The following NAA35 variants were observed in gnomAD, a reference collection of about 807,000 sequenced individuals.
NAA35 encodes the protein MAK10 homolog, amino-acid N-acetyltransferase subunit.
In NAA35, 18 loss-of-function variants were observed where a neutral mutation model predicts 101.7. The ratio of observed to expected loss-of-function variants is 0.18; its 90% CI spans 0.12 to 0.26. NAA35 has a LOEUF of 0.26. Among genes scored for constraint, NAA35 ranks in the 10% least tolerant of loss-of-function variants. The pLI is 1.00. For missense variants in NAA35, 601 were observed against 886.8 expected (o/e 0.68, Z 4.09); for synonymous variants, 267 against 273.1 (o/e 0.98, Z 0.22).
At position 85,942,432 on chromosome 9, in the gene NAA35, T is replaced by C. The variant is rs1828565339; in HGVS notation, c.124+149T>C. 6 of 1,100,734 alleles carry C rather than the reference T, an allele frequency of 5.5e-6. No homozygotes were observed. The Admixed American group carries it at 1.4e-4, about 26-fold the overall frequency. 68.2% of individuals were successfully genotyped at this position (1,100,734 alleles called of 1,614,324 possible). ...ACACTTATTCTGTATCCTCTAATTTTAACTTTAAAGCAAATGTATATTTGA... is the reference window on the plus strand; with the variant it reads ...ACACTTATTCTGTATCCTCTAATTTCAACTTTAAAGCAAATGTATATTTGA... On this transcript the variant is annotated intron_variant, in intron 2 of 22. Coordinates refer to ENST00000361671, the MANE Select transcript of NAA35 (RefSeq NM_024635.4).
At position 85,941,175 on chromosome 9, in the gene NAA35, C is replaced by T. The variant is rs1828493149; in HGVS notation, c.-104C>T. 2.0e-6 allele frequency: 2 copies of T among 986,216 alleles called. No homozygotes were observed. The highest frequency in any genetic ancestry group is 1.7e-5 in the African/African-American group (1 of 57,240). 61.1% of individuals were successfully genotyped at this position (986,216 alleles called of 1,614,324 possible). On this transcript the variant is annotated 5_prime_UTR_variant, in exon 1 of 23. Coordinates refer to ENST00000361671, the MANE Select transcript of NAA35 (RefSeq NM_024635.4). ...GCATGCGTGCACGCTGCCGGTCGGG[C>T]TGGGCTGAGAGGGGAGGGGGCGGCG...
intron 13 of NAA35, 76 bp from the exon 14 acceptor site, chr9:86,007,282 T>A: frequency 9.5e-7 from 1 of 1,054,050 alleles, no homozygotes; most frequent in South Asian, 1.5e-5. Context: ...TCTGTGGCAT[T>A]TATAAGTATA....
At chr9:85,988,805 A>T (rs1411652945) in intron 11 of NAA35, among the ~76,000 whole-genome samples, 1 of 152,150 alleles carries the variant, frequency 6.6e-6, no homozygotes, top group African/African-American at 2.4e-5. Flanking sequence ...TCGAAAAAAA[A>T]AAAAGGACAT....
At chr9:85,987,999 C>T (rs889446317) in intron 11 of NAA35, among the ~76,000 whole-genome samples, 3 of 152,222 alleles carry the variant, frequency 2.0e-5, no homozygotes, top group African/African-American at 7.2e-5. Context: ...TGCACATGTA[C>T]TGTCTTGGTT....
intron 12 of NAA35, among the ~76,000 whole-genome samples, chr9:85,999,510 G>A (rs978293634): frequency 6.6e-6 from 1 of 152,154 alleles, no homozygotes; most frequent in Admixed American, 6.5e-5. Context: ...GTTGTGACAG[G>A]CTCCTGATAT....
chr9:85,956,958 G>T (rs1459857869), intron 3 of NAA35, among the ~76,000 whole-genome samples: 1 of 152,154 alleles, frequency 6.6e-6, no homozygotes, highest in African/African-American at 2.4e-5. Flanking sequence ...AGATCACATG[G>T]CAGAGGAGGA....
intron 6 of NAA35, among the ~76,000 whole-genome samples, chr9:85,972,049 A>G (rs1030980022): frequency 1.3e-5 from 2 of 152,152 alleles, no homozygotes; most frequent in East Asian, 1.9e-4. Flanking sequence ...CACTTATCCA[A>G]TAACTTAGAT....
intron 6 of NAA35, among the ~76,000 whole-genome samples, chr9:85,963,890 TA>T (rs968822595): frequency 1.3e-5 from 2 of 152,162 alleles, no homozygotes; most frequent in African/African-American, 4.8e-5. Context: ...GTGTTAAGTA[TA>T]AAAAATTACT....
intron 1 of NAA35, 91 bp downstream of exon 1, chr9:85,941,364 C>T (rs2118218538): frequency 1.0e-6 from 1 of 985,546 alleles, no homozygotes; most frequent in Non-Finnish European, 1.2e-6. Context: ...TCCTGGGGAC[C>T]CCAGGTCACC....
At chr9:85,959,928 A>G in intron 5 of NAA35, 61 bp downstream of exon 5, 1 of 1,264,300 alleles carries the variant, frequency 7.9e-7, no homozygotes, top group Non-Finnish European at 1.1e-6. Flanking sequence ...GAATCTTGTG[A>G]TTTAAAAGCC....
intron 6 of NAA35, among the ~76,000 whole-genome samples, chr9:85,964,854 G>A (rs569380064): frequency 1.6e-4 from 25 of 152,234 alleles, no homozygotes; most frequent in Admixed American, 3.9e-4. Flanking sequence ...ATTACCATAT[G>A]GTTACTGTTT....
intron 6 of NAA35, among the ~76,000 whole-genome samples, chr9:85,962,885 C>T (rs1189056527): frequency 6.6e-6 from 1 of 152,152 alleles, no homozygotes; most frequent in Non-Finnish European, 1.5e-5. Flanking sequence ...TAGACATTTT[C>T]CTTTAGTTTG....
intron 12 of NAA35, among the ~76,000 whole-genome samples, chr9:85,999,009 C>G (rs1429276230): frequency 6.6e-6 from 1 of 152,142 alleles, no homozygotes; most frequent in Non-Finnish European, 1.5e-5. Context: ...CTTTATTTTT[C>G]CTTCTATTAA....
intron 11 of NAA35, among the ~76,000 whole-genome samples, chr9:85,990,812 A>T (rs1433748198): frequency 1.3e-5 from 2 of 152,184 alleles, no homozygotes; most frequent in Non-Finnish European, 2.9e-5. Flanking sequence ...TGTTGTAACC[A>T]TGTGGGTAGG....
chr9:85,959,987 A>C (rs1829441741), intron 5 of NAA35, 120 bp downstream of exon 5: 1 of 632,718 alleles, frequency 1.6e-6, no homozygotes, highest in African/African-American at 1.8e-5. Flanking sequence ...GCCCTAGTAA[A>C]GATGTGCATA....
chr9:86,020,069 A>G (rs1832447872), intron 21 of NAA35, among the ~76,000 whole-genome samples: 1 of 152,172 alleles, frequency 6.6e-6, no homozygotes, highest in African/African-American at 2.4e-5. Flanking sequence ...TATGCATAGT[A>G]TGGTGCAGTT....
rs543340448 is a variant in NAA35 at position 85,978,069 on chromosome 9, C to T, written c.763-198C>T. 4.6e-5 allele frequency among the ~76,000 whole-genome samples: 7 copies of T among 151,410 alleles called. No homozygotes were observed. In the South Asian group the frequency reaches 1.0e-3, roughly 23 times the overall value. ...TTTTCTATTATTTTAATTGATCCTA[C>T]AAGTTATAGATGTGAGTAAAAAAAC... On this transcript the variant is annotated intron_variant, in intron 10 of 22. Transcript: ENST00000361671.
rs1829208243 is a variant in NAA35 at position 85,955,348 on chromosome 9, ATATATATATATATT to A, written c.125-1010_125-997del. Among the ~76,000 whole-genome samples, 5 of 67,894 alleles carry A rather than the reference ATATATATATATATT, an allele frequency of 7.4e-5. No homozygotes were observed. In the South Asian group the frequency reaches 1.8e-3, roughly 24 times the overall value. 44.5% of individuals were successfully genotyped at this position (67,894 alleles called of 152,430 possible). On this transcript the variant is annotated intron_variant, in intron 2 of 22. Transcript: ENST00000361671. ...TATACATATATATATATATATATAT[ATATATATATATATT>A]TTTTTTTTTTTTTTTCTTCAGACAG...
At chr9:85,983,073 C>T (rs750325984) in intron 11 of NAA35, among the ~76,000 whole-genome samples, 16 of 152,118 alleles carry the variant, frequency 1.1e-4, no homozygotes, top group Admixed American at 6.5e-4. Flanking sequence ...TTTCATCCCC[C>T]TTTTTGCTGA....
Sources: allele counts gnomAD v4.1 joint callset (sites outside exome capture counted in the v4.1 genomes callset), GRCh38; gene constraint gnomAD v4.1.1; transcripts MANE v1.5; gene names NCBI Gene and HGNC (gene_info 2026-07-23, HGNC 2026-07-21).